The following ANGPT4 variants were observed in gnomAD, a reference collection of about 807,000 sequenced individuals.
The protein encoded by ANGPT4 is angiopoietin 4, also known as angiopoietin-4.
In ANGPT4, 50 loss-of-function variants were observed where a neutral mutation model predicts 53.0. The ratio of observed to expected loss-of-function variants is 0.94; its 90% CI spans 0.75 to 1.20. The LOEUF (loss-of-function observed/expected upper bound fraction) is 1.20. ANGPT4 is among the 50% of genes most tolerant of loss of function. The probability of loss-of-function intolerance (pLI) is 0.00; values close to 1 mark genes in which losing one functional copy is unlikely to be tolerated. For missense variants in ANGPT4, 648 were observed against 637.1 expected (o/e 1.02, Z -0.18); for synonymous variants, 251 against 259.7 (o/e 0.97, Z 0.32).
At chr20:876,233 A>G (rs1981167769) in intron 7 of ANGPT4, among the ~76,000 whole-genome samples, 1 of 151,570 alleles carries the variant, frequency 6.6e-6, no homozygotes, top group Admixed American at 6.6e-5. Context: ...AAGCTCTTGT[A>G]CCCTCAGGGC....
chr20:892,611 T>C (rs1230917065), intron 1 of ANGPT4, among the ~76,000 whole-genome samples: 1 of 138,438 alleles, frequency 7.2e-6, no homozygotes, highest in African/African-American at 2.9e-5. Context: ...AAAAAAAAAG[T>C]ATAGAGAATA....
Position 916,102 on chromosome 20 carries a change from A to G in ANGPT4, c.113T>C (p.Val38Ala). 1 of 1,614,156 alleles carries G rather than the reference A, an allele frequency of 6.2e-7. No individual in the cohort carries two copies. Among genetic ancestry groups the G allele is most frequent in the Non-Finnish European group, 8.5e-7 (1 of 1,180,012 alleles). Residue 38 changes from valine to alanine, a missense_variant, in exon 1 of 9, where the codon GTC (valine) becomes GCC (alanine). Physicochemically the swap from Val to Ala is moderately conservative, Grantham distance 64. Transcript: ENST00000381922. ...GGTGTAGCTACAGTGGCCGTGCTGG[A>G]CTACAAGTGTCTCGCAGCCCCTATC... Reference protein sequence around the residue: ...EADRGCETLVVQHGHCSYTFL... With the variant: ...EADRGCETLVAQHGHCSYTFL...
intron 8 of ANGPT4, among the ~76,000 whole-genome samples, chr20:873,993 A>T (rs1981055990): frequency 6.6e-6 from 1 of 152,114 alleles, no homozygotes. Context: ...CTGATAGGGT[A>T]TAGGGTGCCT....
In ANGPT4 at chr20:872,696, C is replaced by A; in HGVS notation, c.*264G>T. ...CATTCAAGGTACTGTGACCCTCAGG[C>A]AGGGAGCCCCTGAAGGGGGAGGGAG... On this transcript the variant is annotated 3_prime_UTR_variant, in exon 9 of 9. Transcript: ENST00000381922. The A allele has an allele frequency of 2.1e-6, 1 of 476,784 alleles. No homozygotes were observed. Among genetic ancestry groups the A allele is most frequent in the South Asian group, 2.4e-5 (1 of 40,916 alleles). 29.5% of individuals were successfully genotyped at this position (476,784 alleles called of 1,614,324 possible).
At chr20:912,342 G>A (rs1982736201) in intron 1 of ANGPT4, among the ~76,000 whole-genome samples, 3 of 152,198 alleles carry the variant, frequency 2.0e-5, no homozygotes, top group Admixed American at 2.0e-4. Flanking sequence ...CTCCGGATTA[G>A]GCACTGAGAG....
At chr20:899,547 C>A (rs1982203471) in intron 1 of ANGPT4, among the ~76,000 whole-genome samples, 2 of 152,270 alleles carry the variant, frequency 1.3e-5, no homozygotes, top group South Asian at 4.2e-4. Context: ...ACCACCGCCC[C>A]CGGCCTGGGA....
intron 4 of ANGPT4, among the ~76,000 whole-genome samples, chr20:883,121 T>C (rs1158431757): frequency 2.6e-5 from 4 of 152,180 alleles, no homozygotes; most frequent in Non-Finnish European, 4.4e-5. Flanking sequence ...GTAAGAAAAA[T>C]TGAGGCTCTG....
intron 1 of ANGPT4, among the ~76,000 whole-genome samples, chr20:904,206 C>A (rs1382941873): frequency 6.6e-6 from 1 of 152,236 alleles, no homozygotes; most frequent in African/African-American, 2.4e-5. Context: ...ACAGTTCCCT[C>A]CCTACAGGCC....
chr20:893,820 G>A (rs1362303974), intron 1 of ANGPT4, among the ~76,000 whole-genome samples: 5 of 152,048 alleles, frequency 3.3e-5, no homozygotes, highest in Non-Finnish European at 7.4e-5. Context: ...TTTTCTTAGC[G>A]GCCACACTCA....
At position 914,870 on chromosome 20, in the gene ANGPT4, C is replaced by A. The variant is rs915126629; in HGVS notation, c.309+1036G>T. Among the ~76,000 whole-genome samples the A allele has an allele frequency of 6.6e-6, 1 of 152,148 alleles. No individual in the cohort carries two copies. The highest frequency in any genetic ancestry group is 1.5e-5 in the Non-Finnish European group (1 of 68,030). ...AATAGGTGCTCACACTGCTGAAAGA[C>A]GAAAGCATGACAGGGCATTCTACAG... On this transcript the variant is annotated intron_variant, in intron 1 of 8. Transcript: ENST00000381922. The surrounding 1 kb of genome is among the most constrained non-coding windows in gnomAD (Gnocchi z 5.0).
chr20:913,322 C>T (rs1188718960), intron 1 of ANGPT4, among the ~76,000 whole-genome samples: 1 of 152,142 alleles, frequency 6.6e-6, no homozygotes, highest in Non-Finnish European at 1.5e-5. Context: ...AAGCACTCCC[C>T]ACTGGGGACC....
In ANGPT4 at chr20:881,187, G is replaced by A; in HGVS notation, c.935C>T (p.Ala312Val). The A allele has an allele frequency of 6.3e-7, 1 of 1,595,096 alleles. No individual in the cohort carries two copies. The highest frequency in any genetic ancestry group is 8.5e-7 in the Non-Finnish European group (1 of 1,170,358). ...CCCCCTAACCTTCCTGGGCTTCGTTGCATTGGACACCTGGATGGTGTAGAC... is the reference window on the plus strand; with the variant it reads ...CCCCCTAACCTTCCTGGGCTTCGTTACATTGGACACCTGGATGGTGTAGAC... ...SGVYTIQVSN[A>V]TKPRKVFCDL... Residue 312 changes from alanine (A) to valine (V), a missense_variant, in exon 5 of 9, where the codon GCA becomes GTA. Physicochemically the swap from Ala to Val is moderately conservative, Grantham distance 64. Coordinates refer to ENST00000381922, the MANE Select transcript of ANGPT4 (RefSeq NM_015985.4).
rs1008947807 is a variant in ANGPT4, at chr20:905,056, C to T, written c.309+10850G>A. On this transcript the variant is annotated intron_variant, in intron 1 of 8. Coordinates refer to ENST00000381922, the MANE Select transcript of ANGPT4 (RefSeq NM_015985.4). ...ACCCCCTCCCAATACGCATCCACAC[C>T]TCCCAATCTCAGTAGCACCAAAGCA... Among the ~76,000 whole-genome samples the T allele has an allele frequency of 9.2e-5, 14 of 152,144 alleles. 1 individual carries two copies. Among genetic ancestry groups the T allele is most frequent in the Non-Finnish European group, 1.5e-5 (1 of 68,032 alleles).
At chr20:880,530 G>C (rs1242479577) in intron 5 of ANGPT4, among the ~76,000 whole-genome samples, 2 of 152,006 alleles carry the variant, frequency 1.3e-5, no homozygotes, top group Non-Finnish European at 2.9e-5. Context: ...CAAGGCTGCA[G>C]TGAGCTGTGA....
intron 1 of ANGPT4, among the ~76,000 whole-genome samples, chr20:895,056 G>A (rs1332861655): frequency 2.6e-5 from 4 of 152,198 alleles, no homozygotes; most frequent in African/African-American, 9.7e-5. Context: ...CAGTTAGGCT[G>A]GGCTGGGCTC....
chr20:910,600 G>A (rs1352699146), intron 1 of ANGPT4, among the ~76,000 whole-genome samples: 2 of 152,144 alleles, frequency 1.3e-5, no homozygotes, highest in African/African-American at 4.8e-5. Flanking sequence ...CAGGCTTAGG[G>A]GGCAGACCTG....
chr20:890,450 A>G, intron 1 of ANGPT4, 82 bp from the exon 2 acceptor site: 1 of 1,352,152 alleles, frequency 7.4e-7, no homozygotes, highest in South Asian at 1.4e-5. Context: ...ATGGGAGGGC[A>G]CTGAGCAGCC....
At chr20:892,204 T>C (rs2122813468) in intron 1 of ANGPT4, among the ~76,000 whole-genome samples, 1 of 152,202 alleles carries the variant, frequency 6.6e-6, no homozygotes, top group Admixed American at 6.5e-5. Flanking sequence ...CTTCTACAAG[T>C]TGTCTCCATT....
chr20:907,490 C>T (rs1250312060), intron 1 of ANGPT4, among the ~76,000 whole-genome samples: 1 of 152,162 alleles, frequency 6.6e-6, no homozygotes, highest in African/African-American at 2.4e-5. Context: ...CGCTCACCTC[C>T]CTGACACTTG....
Sources: gnomAD v4.1 joint callset for allele counts (sites outside exome capture counted in the v4.1 genomes callset) on GRCh38, gnomAD v4.1.1 for gene constraint, Gnocchi (gnomAD v3.1) non-coding constraint, MANE v1.5 for transcripts, NCBI Gene and HGNC (gene_info 2026-07-23, HGNC 2026-07-21) for gene names.